TPD52L1: variants seen among roughly 807,000 people sequenced by gnomAD.
TPD52L1 encodes tumor protein D53.
Under a neutral mutation model 28.7 loss-of-function variants are expected in TPD52L1, and 18 were observed. The observed-to-expected ratio is 0.63, with a 90% confidence interval of 0.43 to 0.93. TPD52L1 has a LOEUF of 0.93. Among genes scored for constraint, TPD52L1 ranks in the 40% least tolerant of loss-of-function variants. The probability of loss-of-function intolerance (pLI) is 0.00; values close to 1 mark genes in which losing one functional copy is unlikely to be tolerated. For missense variants in TPD52L1, 203 were observed against 254.8 expected (o/e 0.80, Z 1.39); for synonymous variants, 75 against 88.8 (o/e 0.84, Z 0.88).
chr6:125,216,719 A>G (rs1346700721), intron 1 of TPD52L1, among the ~76,000 whole-genome samples: 1 of 151,888 alleles, frequency 6.6e-6, no homozygotes, highest in Non-Finnish European at 1.5e-5. Flanking sequence ...ACTTATGAAA[A>G]AGGAAATTAC....
chr6:125,163,521 G>A (rs940504036), intron 1 of TPD52L1, among the ~76,000 whole-genome samples: 108 of 151,326 alleles, frequency 7.1e-4, no homozygotes, highest in African/African-American at 2.4e-3. Context: ...GTTTGAGGTT[G>A]CAGTGAGCTA....
At chr6:125,236,454 A>C (rs1398091292) in intron 3 of TPD52L1, among the ~76,000 whole-genome samples, 1 of 152,192 alleles carries the variant, frequency 6.6e-6, no homozygotes, top group African/African-American at 2.4e-5. Context: ...CTATATTTAA[A>C]TTATGCATTA....
chr6:125,173,907 A>G (rs1791659003), intron 1 of TPD52L1, among the ~76,000 whole-genome samples: 1 of 152,232 alleles, frequency 6.6e-6, no homozygotes, highest in South Asian at 2.1e-4. Flanking sequence ...AAGAACACAG[A>G]AGAAAGCAAA....
intron 4 of TPD52L1, 31 bp downstream of exon 4, chr6:125,248,414 C>T (rs1412192522): frequency 3.2e-6 from 5 of 1,569,770 alleles, no homozygotes; most frequent in Non-Finnish European, 4.4e-6. Flanking sequence ...GGGAACGGCG[C>T]TAAGCCCTTG....
At chr6:125,244,186 G>T (rs930070154) in intron 3 of TPD52L1, among the ~76,000 whole-genome samples, 2 of 152,084 alleles carry the variant, frequency 1.3e-5, no homozygotes, top group South Asian at 2.1e-4. Context: ...GGAATGGCAG[G>T]TATCTCTTGA....
chr6:125,206,071 A>G (rs1426201235), intron 1 of TPD52L1, among the ~76,000 whole-genome samples: 1 of 152,232 alleles, frequency 6.6e-6, no homozygotes, highest in East Asian at 1.9e-4. Flanking sequence ...AGCTCTTTCT[A>G]TAGTCAACTG....
chr6:125,219,939 T>C (rs762064694), intron 1 of TPD52L1, 139 bp from the exon 2 acceptor site: 2 of 715,090 alleles, frequency 2.8e-6, no homozygotes, highest in Admixed American at 4.0e-5. Flanking sequence ...TTTAGGAGGA[T>C]TTTTGTCTTT....
At chr6:125,177,073 A>G (rs899434694) in intron 1 of TPD52L1, among the ~76,000 whole-genome samples, 2 of 152,072 alleles carry the variant, frequency 1.3e-5, no homozygotes, top group African/African-American at 4.8e-5. Flanking sequence ...TGAAAAAAGA[A>G]TCTCTGTCAT....
At chr6:125,234,962 C>T (rs1031637685) in intron 3 of TPD52L1, among the ~76,000 whole-genome samples, 12 of 151,806 alleles carry the variant, frequency 7.9e-5, no homozygotes, top group Admixed American at 5.9e-4. Flanking sequence ...AATATGGTGG[C>T]GTGCACCTGT....
In TPD52L1 at chr6:125,222,117, T is replaced by C. The variant is rs866373492; in HGVS notation, c.135+1924T>C. The C allele has an allele frequency of 2.0e-5, 3 of 152,256 alleles. No homozygotes were observed. In the South Asian group the frequency reaches 6.2e-4, roughly 31 times the overall value. 9.4% of individuals were successfully genotyped at this position (152,256 alleles called of 1,614,324 possible). On this transcript the variant is annotated intron_variant, in intron 2 of 6. Coordinates refer to ENST00000534000, the MANE Select transcript of TPD52L1 (RefSeq NM_003287.4). Reference sequence around the variant, plus strand: ...ACAGCTTTCCTTACTCTTTTACAAGTGTGCATGCGGATGTGTGGACACAGG... The same window carrying C: ...ACAGCTTTCCTTACTCTTTTACAAGCGTGCATGCGGATGTGTGGACACAGG...
chr6:125,234,883 A>T (rs1796163114), intron 3 of TPD52L1, among the ~76,000 whole-genome samples: 1 of 152,036 alleles, frequency 6.6e-6, no homozygotes, highest in Non-Finnish European at 1.5e-5. Context: ...ACTTGAGCTC[A>T]CGAGTTCAAG....
rs1798207877 is a variant in TPD52L1 at position 125,264,295 on chromosome 6, T to C, written c.*1333T>C. 1 of 152,218 alleles carries C rather than the reference T, an allele frequency of 6.6e-6. No homozygotes were observed. The highest frequency in any genetic ancestry group is 2.1e-4 in the South Asian group (1 of 4,834). The allele number at this position is 152,218 out of a possible 1,614,324, so 9.4% of individuals were successfully genotyped here. ...AAAAAATCACTATTTAAAAAGCCCA[T>C]ATAATATATACATATTTGTTAGCAT... is the stretch of plus-strand genomic sequence containing the variant. On this transcript the variant is annotated 3_prime_UTR_variant, in exon 7 of 7. Coordinates refer to ENST00000534000, the MANE Select transcript of TPD52L1 (RefSeq NM_003287.4).
At chr6:125,232,983 A>G (rs185229389) in intron 3 of TPD52L1, among the ~76,000 whole-genome samples, 1 of 152,188 alleles carries the variant, frequency 6.6e-6, no homozygotes, top group Non-Finnish European at 1.5e-5. Flanking sequence ...TTTGGGGTAA[A>G]GGAGGAGAAA....
intron 2 of TPD52L1, among the ~76,000 whole-genome samples, chr6:125,223,560 T>G (rs1360969521): frequency 6.6e-6 from 1 of 151,782 alleles, no homozygotes; most frequent in East Asian, 1.9e-4. Flanking sequence ...AATACAAAAA[T>G]TAGTCAGGCA....
At position 125,264,095 on chromosome 6, in the gene TPD52L1, A is replaced by G. The variant is rs1339762869; in HGVS notation, c.*1133A>G. ...TTCAGTTTGTAAATTGTTCACATGTATGAAAATAACTGGTATTTATCAATC... is the reference window on the plus strand; with the variant it reads ...TTCAGTTTGTAAATTGTTCACATGTGTGAAAATAACTGGTATTTATCAATC... On this transcript the variant is annotated 3_prime_UTR_variant, in exon 7 of 7. Transcript: ENST00000534000. 6.6e-6 allele frequency: 1 copy of G among 152,234 alleles called. No homozygotes were observed. The highest frequency in any genetic ancestry group is 1.5e-5 in the Non-Finnish European group (1 of 68,032). 9.4% of individuals were successfully genotyped at this position (152,234 alleles called of 1,614,324 possible). A position where few individuals can be genotyped will look rare whatever the true frequency, so the allele number is the denominator to read the frequency against.
intron 1 of TPD52L1, among the ~76,000 whole-genome samples, chr6:125,214,062 T>C (rs1794696888): frequency 6.6e-6 from 1 of 152,096 alleles, no homozygotes; most frequent in Admixed American, 6.6e-5. Context: ...AGCTACCTAA[T>C]GGGAGCTTTG....
chr6:125,209,549 T>C (rs1794367588), intron 1 of TPD52L1, among the ~76,000 whole-genome samples: 2 of 152,190 alleles, frequency 1.3e-5, no homozygotes, highest in South Asian at 4.1e-4. Context: ...AGGCCACATC[T>C]TAATTACCAG....
chr6:125,235,567 C>T (rs977375830), intron 3 of TPD52L1, among the ~76,000 whole-genome samples: 4 of 152,114 alleles, frequency 2.6e-5, no homozygotes, highest in African/African-American at 9.7e-5. Flanking sequence ...AGTGCTGCTC[C>T]TTGGTGCTTT....
chr6:125,237,564 A>T (rs1796342360), intron 3 of TPD52L1, among the ~76,000 whole-genome samples: 2 of 152,136 alleles, frequency 1.3e-5, no homozygotes, highest in Admixed American at 6.5e-5. Context: ...GTTTTTCTTG[A>T]TGTTTTTCAG....
Sources: allele counts gnomAD v4.1 joint callset (sites outside exome capture counted in the v4.1 genomes callset), GRCh38; gene constraint gnomAD v4.1.1; transcripts MANE v1.5; gene names NCBI Gene and HGNC (gene_info 2026-07-23, HGNC 2026-07-21).